CHL1: variants seen among roughly 807,000 people sequenced by gnomAD.
CHL1 encodes the protein cell adhesion molecule L1 like.
In CHL1, 96 loss-of-function variants were observed where a neutral mutation model predicts 141.9. The ratio of observed to expected loss-of-function variants is 0.68; its 90% confidence interval spans 0.57 to 0.80. The LOEUF (loss-of-function observed/expected upper bound fraction) is 0.80. Ranked by LOEUF, CHL1 falls within the 30% of genes least tolerant of loss-of-function variation. The pLI is 0.00. For synonymous variants in CHL1, 613 were observed against 502.2 expected (o/e 1.22, Z -2.95); for missense variants, 1,820 against 1,457.2 (o/e 1.25, Z -4.05).
At chr3:312,468 C>A (rs574287738) in intron 2 of CHL1, among the ~76,000 whole-genome samples, 4 of 152,290 alleles carry the variant, frequency 2.6e-5, no homozygotes, top group East Asian at 3.9e-4. Flanking sequence ...ATGGTATTAG[C>A]CAGGCAGGTG....
intron 21 of CHL1, 39 bp from the exon 22 acceptor site, chr3:390,916 C>A (rs374278547): frequency 6.4e-7 from 1 of 1,570,880 alleles, no homozygotes; most frequent in African/African-American, 1.4e-5. Flanking sequence ...AATCTGCGAC[C>A]ACAATGGATA....
chr3:219,073 CG>C (rs35121062), intron 1 of CHL1, among the ~76,000 whole-genome samples: 49,576 of 151,526 alleles, frequency 0.33, 8,436 homozygotes, highest in Middle Eastern at 0.46. Flanking sequence ...GGCATGAACC[CG>C]GGAGGTGGAG....
At chr3:352,590 T>G (rs571566302) in intron 10 of CHL1, among the ~76,000 whole-genome samples, 1 of 152,280 alleles carries the variant, frequency 6.6e-6, no homozygotes, top group African/African-American at 2.4e-5. Flanking sequence ...GGATGGTATT[T>G]TTCCTCAGAA....
intron 2 of CHL1, among the ~76,000 whole-genome samples, chr3:250,885 A>G (rs1467424270): frequency 1.3e-5 from 2 of 152,156 alleles, no homozygotes; most frequent in East Asian, 3.8e-4. Context: ...GTTTGTAGGA[A>G]TTAAGCATTT....
chr3:236,917 A>C (rs1692043141), intron 1 of CHL1, among the ~76,000 whole-genome samples: 1 of 151,646 alleles, frequency 6.6e-6, no homozygotes, highest in Non-Finnish European at 1.5e-5. Flanking sequence ...AATAGCATTC[A>C]GTTGAAATTC....
intron 2 of CHL1, among the ~76,000 whole-genome samples, chr3:253,121 G>A (rs766415409): frequency 5.5e-4 from 84 of 152,180 alleles, no homozygotes; most frequent in Middle Eastern, 3.4e-3. Context: ...GTAAAGAGGA[G>A]ATAGTAGTCC....
chr3:225,365 A>T (rs1430999106), intron 1 of CHL1, among the ~76,000 whole-genome samples: 1 of 152,234 alleles, frequency 6.6e-6, no homozygotes, highest in East Asian at 1.9e-4. Flanking sequence ...ATGTTGCACA[A>T]ACTGTCCTTT....
intron 2 of CHL1, chr3:247,527 G>C (rs970546376): frequency 1.3e-5 from 2 of 152,082 alleles, no homozygotes; most frequent in African/African-American, 4.8e-5. Context: ...GGAGAAAGAA[G>C]AAGAAAGAGA....
intron 12 of CHL1, among the ~76,000 whole-genome samples, chr3:360,893 C>T (rs1239675944): frequency 2.7e-5 from 4 of 150,900 alleles, no homozygotes; most frequent in African/African-American, 7.3e-5. Flanking sequence ...TTTCCAATTT[C>T]ATCCATGTCC....
chr3:311,897 G>T (rs1223384170), intron 2 of CHL1, among the ~76,000 whole-genome samples: 1 of 151,982 alleles, frequency 6.6e-6, no homozygotes, highest in East Asian at 1.9e-4. Context: ...ACTTAATGTT[G>T]GGATTATTCT....
Position 389,277 on chromosome 3 carries a change from G to C in CHL1, c.2273G>C (p.Gly758Ala), listed in dbSNP as rs780683967. 6.2e-7 allele frequency: 1 copy of C among 1,611,892 alleles called. No homozygotes were observed. Among genetic ancestry groups the C allele is most frequent in the South Asian group, 1.1e-5 (1 of 90,634 alleles). Residue 758 changes from glycine (G) to alanine (A), a missense_variant, in exon 20 of 28, where the codon GGA (glycine) becomes GCA (alanine). Physicochemically the swap from Gly to Ala is moderately conservative, Grantham distance 60. Transcript: ENST00000256509. ...WEPLKSMEQN[G>A]PGLEYRVTWK... is the part of the protein sequence containing the mutation. ...CCTTTGAAATCCATGGAGCAGAATG[G>C]ACCAGGCCTAGAGTACAGAGTGACC... is the stretch of plus-strand genomic sequence containing the variant.
intron 2 of CHL1, among the ~76,000 whole-genome samples, chr3:285,500 C>T (rs1391414149): frequency 1.3e-5 from 2 of 152,126 alleles, no homozygotes; most frequent in South Asian, 2.1e-4. Flanking sequence ...TCAGTTCTTT[C>T]CCTAATTTTG....
chr3:225,031 G>A (rs950480218), intron 1 of CHL1, among the ~76,000 whole-genome samples: 1 of 152,188 alleles, frequency 6.6e-6, no homozygotes, highest in Admixed American at 6.5e-5. Context: ...AGCTACTCAG[G>A]AGGCCGGGCG....
chr3:361,617 A>G (rs1017758383), intron 12 of CHL1, 82 bp from the exon 13 acceptor site: 1 of 868,324 alleles, frequency 1.2e-6, no homozygotes, highest in Non-Finnish European at 1.9e-6. Context: ...TTGTATTCGT[A>G]TGACTAGGAC....
At chr3:212,521 A>G (rs1334973490) in intron 1 of CHL1, among the ~76,000 whole-genome samples, 1 of 152,016 alleles carries the variant, frequency 6.6e-6, no homozygotes. Context: ...TTCTGCCTCG[A>G]ACAGTCACTC....
At chr3:303,369 C>A (rs184854216) in intron 2 of CHL1, among the ~76,000 whole-genome samples, 1 of 152,166 alleles carries the variant, frequency 6.6e-6, no homozygotes, top group Non-Finnish European at 1.5e-5. Flanking sequence ...TTCTTCCTAT[C>A]CATGAGCATG....
At position 408,331 on chromosome 3, in the gene CHL1, G is replaced by T. The variant is rs890418069; in HGVS notation, c.*2620G>T. ...ATTGTATATAGTCTCAAGAATGGTT[G>T]GTGGGCATGAGTTCCTAGAGAACTG... On this transcript the variant is annotated 3_prime_UTR_variant, in exon 28 of 28. Transcript: ENST00000256509. 1 of 152,068 alleles carries T rather than the reference G, an allele frequency of 6.6e-6. No individual in the cohort carries two copies. Among genetic ancestry groups the T allele is most frequent in the African/African-American group, 2.4e-5 (1 of 41,432 alleles). 9.4% of individuals were successfully genotyped at this position (152,068 alleles called of 1,614,324 possible).
rs1343668886 is a variant in CHL1 at position 366,342 on chromosome 3, G to A, written c.1751+227G>A. Among the ~76,000 whole-genome samples, 5 of 151,806 alleles carry A rather than the reference G, an allele frequency of 3.3e-5. No homozygotes were observed. In the South Asian group the frequency reaches 8.3e-4, roughly 25 times the overall value. ...AAAAATTAGCCGGGCATGATGGCAC[G>A]TGCCTGTGATCCCAGCTACTCGAGA... On this transcript the variant is annotated intron_variant, in intron 15 of 27. Transcript: ENST00000256509.
chr3:405,556 A>G lies in CHL1; in HGVS notation c.3520A>G (p.Thr1174Ala). 1 of 1,613,468 alleles carries G rather than the reference A, an allele frequency of 6.2e-7. No homozygotes were observed. Among genetic ancestry groups the G allele is most frequent in the Non-Finnish European group, 8.5e-7 (1 of 1,179,514 alleles). The change falls in exon 28 of 28, where the codon ACT becomes GCT. Residue 1174 changes from threonine (T) to alanine (A), a missense_variant. Physicochemically the swap from Thr to Ala is moderately conservative, Grantham distance 58. Transcript: ENST00000256509. ...GTCCCTTAATAGGGATATGCAGCCT[A>G]CTGAAAGTGCTGACAGCTTAGTCGA... Reference protein sequence around the residue: ...LRSLNRDMQPTESADSLVEYG... With the variant: ...LRSLNRDMQPAESADSLVEYG...
Sources: allele counts gnomAD v4.1 joint callset (sites outside exome capture counted in the v4.1 genomes callset), GRCh38; gene constraint gnomAD v4.1.1; transcripts MANE v1.5; gene names NCBI Gene and HGNC (gene_info 2026-07-23, HGNC 2026-07-21).